The following TYW1B variants were observed in gnomAD, a reference collection of about 807,000 sequenced individuals.
TYW1B encodes the protein S-adenosyl-L-methionine-dependent tRNA 4-demethylwyosine synthase TYW1B.
Under a neutral mutation model 86.9 loss-of-function variants are expected in TYW1B, and 73 were observed. That is an observed-to-expected ratio of 0.84 (90% CI 0.70 to 1.02). TYW1B has a LOEUF of 1.02. Among genes scored for constraint, TYW1B ranks in the 50% least tolerant of loss-of-function variants. The probability of loss-of-function intolerance (pLI) is 0.00; values close to 1 mark genes in which losing one functional copy is unlikely to be tolerated. For synonymous variants in TYW1B, 248 were observed against 292.8 expected (o/e 0.85, Z 1.56); for missense variants, 637 against 827.4 (o/e 0.77, Z 2.82).
chr7:72,762,478 T>C (rs1787700987), intron 7 of TYW1B, among the ~76,000 whole-genome samples: 1 of 152,174 alleles, frequency 6.6e-6, no homozygotes, highest in Non-Finnish European at 1.5e-5. Flanking sequence ...AACTCTGCTG[T>C]TAGGGCCTGA....
At chr7:72,716,881 G>A (rs1219465995) in intron 9 of TYW1B, among the ~76,000 whole-genome samples, 1 of 148,058 alleles carries the variant, frequency 6.8e-6, no homozygotes, top group African/African-American at 2.5e-5. Context: ...CCAAAGTGCT[G>A]GGATTACAGG....
chr7:72,749,056 A>G (rs1426683327), intron 7 of TYW1B, among the ~76,000 whole-genome samples: 1 of 152,138 alleles, frequency 6.6e-6, no homozygotes, highest in Non-Finnish European at 1.5e-5. Flanking sequence ...ACCATTGAAA[A>G]CTAAGATTTC....
At chr7:72,629,045 C>T (rs1812422314) in intron 11 of TYW1B, 48 bp from the exon 12 acceptor site, 2 of 1,541,664 alleles carry the variant, frequency 1.3e-6, no homozygotes, top group Admixed American at 2.0e-5. Context: ...GTGGATGTCA[C>T]CTCTTAACCT....
intron 12 of TYW1B, among the ~76,000 whole-genome samples, chr7:72,624,406 C>T (rs1554438442): frequency 6.6e-6 from 1 of 152,194 alleles, no homozygotes; most frequent in Non-Finnish European, 1.5e-5. Flanking sequence ...ATAAATACAT[C>T]TGAACATACA....
intron 2 of TYW1B, among the ~76,000 whole-genome samples, chr7:72,815,945 C>T (rs1312212077): frequency 1.3e-5 from 2 of 152,068 alleles, no homozygotes; most frequent in Non-Finnish European, 2.9e-5. Flanking sequence ...GGAAGGATCC[C>T]CTGAGCCCAG....
intron 13 of TYW1B, among the ~76,000 whole-genome samples, chr7:72,612,049 C>T (rs1437767719): frequency 6.6e-6 from 1 of 152,080 alleles, no homozygotes; most frequent in African/African-American, 2.4e-5. Flanking sequence ...CTTTTTCTCT[C>T]TCTCTCTTTC....
intron 11 of TYW1B, among the ~76,000 whole-genome samples, chr7:72,648,529 C>T (rs1812986839): frequency 7.3e-6 from 1 of 137,886 alleles, no homozygotes; most frequent in African/African-American, 2.8e-5. Flanking sequence ...AGCGACAGAG[C>T]AAGACTCTGT....
chr7:72,709,910 C>T (rs1477851697), intron 10 of TYW1B, among the ~76,000 whole-genome samples: 2 of 152,112 alleles, frequency 1.3e-5, no homozygotes, highest in African/African-American at 2.4e-5. Flanking sequence ...ATATGCCATC[C>T]TATCTCATTT....
At chr7:72,595,090 GACC>G (rs1554432329) in intron 13 of TYW1B, among the ~76,000 whole-genome samples, 1 of 152,170 alleles carries the variant, frequency 6.6e-6, no homozygotes, top group Non-Finnish European at 1.5e-5. Context: ...AGGCAAGGAT[GACC>G]ATCTTCACTA....
At chr7:72,777,189 T>C (rs1201226188) in intron 7 of TYW1B, among the ~76,000 whole-genome samples, 2 of 152,142 alleles carry the variant, frequency 1.3e-5, no homozygotes, top group Non-Finnish European at 2.9e-5. Flanking sequence ...ATCTGTGAAC[T>C]TGACCCACAC....
chr7:72,823,351 G>T (rs1788867294), intron 2 of TYW1B, among the ~76,000 whole-genome samples: 1 of 151,832 alleles, frequency 6.6e-6, no homozygotes, highest in Non-Finnish European at 1.5e-5. Flanking sequence ...GCCGGGCACG[G>T]TGGCTCACGC....
At chr7:72,670,490 C>T (rs1212341183) in intron 11 of TYW1B, among the ~76,000 whole-genome samples, 1 of 152,214 alleles carries the variant, frequency 6.6e-6, no homozygotes, top group Non-Finnish European at 1.5e-5. Context: ...CACGTCTGGC[C>T]TCATGTGTTA....
intron 11 of TYW1B, among the ~76,000 whole-genome samples, chr7:72,635,162 T>C (rs2129568889): frequency 6.6e-6 from 1 of 152,244 alleles, no homozygotes; most frequent in South Asian, 2.1e-4. Flanking sequence ...CTTTTGCGTG[T>C]GGTGTTGAGA....
At chr7:72,717,237 G>A (rs1786806789) in intron 9 of TYW1B, among the ~76,000 whole-genome samples, 1 of 151,614 alleles carries the variant, frequency 6.6e-6, no homozygotes, top group Non-Finnish European at 1.5e-5. Context: ...GGAGGTGGAG[G>A]TTGCAGTGAG....
At chr7:72,772,643 A>G (rs1554469870) in intron 7 of TYW1B, among the ~76,000 whole-genome samples, 1 of 152,166 alleles carries the variant, frequency 6.6e-6, no homozygotes, top group African/African-American at 2.4e-5. Context: ...TAAACAAACT[A>G]GTAGTACAAA....
chr7:72,776,230 C>A (rs1203300603), intron 7 of TYW1B, among the ~76,000 whole-genome samples: 1 of 152,048 alleles, frequency 6.6e-6, no homozygotes, highest in South Asian at 2.1e-4. Flanking sequence ...TAGTACTGTA[C>A]GGTTCTTCTA....
In TYW1B at chr7:72,575,666, C is replaced by T. The variant is rs1554428317; in HGVS notation, c.1839G>A (p.Glu613=). 1.4e-5 allele frequency: 22 copies of T among 1,613,178 alleles called. No homozygotes were observed. The highest frequency in any genetic ancestry group is 1.8e-5 in the Non-Finnish European group (21 of 1,179,512). Residue 613 remains glutamate, a synonymous_variant, in exon 14 of 14, where the codon GAG becomes GAA. Coordinates refer to ENST00000620995, the MANE Select transcript of TYW1B (RefSeq NM_001145440.3). ...WTWIDYNRFQ[E]LIQEYEDSGG... ...CACTATCTTCATATTCCTGGATGAG[C>T]TCCTGGAAGCGGTTATAATCGATCC... is the stretch of plus-strand genomic sequence containing the variant.
intron 9 of TYW1B, among the ~76,000 whole-genome samples, chr7:72,717,306 A>G (rs560237386): frequency 1.3e-5 from 2 of 151,924 alleles, no homozygotes; most frequent in Non-Finnish European, 2.9e-5. Flanking sequence ...GTCTGGAAAA[A>G]AAAAAAAAAA....
chr7:72,637,690 T>TAA (rs1812704743), intron 11 of TYW1B, among the ~76,000 whole-genome samples: 6 of 150,946 alleles, frequency 4.0e-5, no homozygotes, highest in African/African-American at 1.5e-4. Flanking sequence ...TCTTTTCTTT[T>TAA]TAAAAAAAAA....
Sources: gnomAD v4.1 joint callset for allele counts (sites outside exome capture counted in the v4.1 genomes callset) on GRCh38, gnomAD v4.1.1 for gene constraint, MANE v1.5 for transcripts, NCBI Gene and HGNC (gene_info 2026-07-23, HGNC 2026-07-21) for gene names.